ANKS1B: variants seen among roughly 807,000 people sequenced by gnomAD.
ANKS1B encodes ankyrin repeat and sterile alpha motif domain containing 1B.
Under a neutral mutation model 148.3 loss-of-function variants are expected in ANKS1B, and 36 were observed. The ratio of observed to expected loss-of-function variants is 0.24; its 90% CI spans 0.19 to 0.32. The LOEUF is 0.32. Ranked by LOEUF, ANKS1B falls within the 10% of genes least tolerant of loss-of-function variation. The pLI is 1.00. For synonymous variants in ANKS1B, 542 were observed against 560.8 expected (o/e 0.97, Z 0.47); for missense variants, 1,157 against 1,542.6 (o/e 0.75, Z 4.19).
At chr12:98,789,164 G>A (rs758412031) in intron 22 of ANKS1B, among the ~76,000 whole-genome samples, 6 of 152,076 alleles carry the variant, frequency 3.9e-5, no homozygotes, top group Non-Finnish European at 5.9e-5. Context: ...CCAACATGGT[G>A]AAACCCCGTC....
At chr12:98,884,634 C>T (rs2152547202) in intron 17 of ANKS1B, among the ~76,000 whole-genome samples, 1 of 150,890 alleles carries the variant, frequency 6.6e-6, no homozygotes, top group South Asian at 2.1e-4. Context: ...CCCGTCTCTA[C>T]TAAAAATACA....
At chr12:98,788,967 C>T (rs1245259413) in intron 22 of ANKS1B, among the ~76,000 whole-genome samples, 2 of 152,180 alleles carry the variant, frequency 1.3e-5, no homozygotes, top group Admixed American at 6.5e-5. Context: ...TTCATGGTTT[C>T]TCAGGGACTG....
chr12:99,015,901 C>CT (rs924133410), intron 17 of ANKS1B, among the ~76,000 whole-genome samples: 4 of 152,016 alleles, frequency 2.6e-5, no homozygotes, highest in South Asian at 4.2e-4. Flanking sequence ...AAAAACACAG[C>CT]TTCAAGTTTG....
intron 17 of ANKS1B, among the ~76,000 whole-genome samples, chr12:98,846,404 C>T (rs1003545612): frequency 6.6e-6 from 1 of 152,194 alleles, no homozygotes; most frequent in African/African-American, 2.4e-5. Context: ...TTTCTCTTGG[C>T]CTAGGCCAGC....
intron 8 of ANKS1B, among the ~76,000 whole-genome samples, chr12:99,722,655 A>G (rs2058201715): frequency 6.6e-6 from 1 of 152,246 alleles, no homozygotes. Flanking sequence ...GTAACACAAC[A>G]TCCATTCTGC....
chr12:99,321,883 A>G (rs2085342501), intron 12 of ANKS1B, among the ~76,000 whole-genome samples: 1 of 152,214 alleles, frequency 6.6e-6, no homozygotes, highest in South Asian at 2.1e-4. Context: ...CTGTGGAGAA[A>G]TAGGAATGCT....
chr12:99,966,155 A>T (rs1275438144), intron 1 of ANKS1B, among the ~76,000 whole-genome samples: 2 of 152,226 alleles, frequency 1.3e-5, no homozygotes, highest in East Asian at 3.9e-4. Flanking sequence ...TTATTGGGAC[A>T]GTTGGCAAAA....
rs555210283 is a variant in ANKS1B, at chr12:99,804,077, G to A, written c.669+2327C>T. Among the ~76,000 whole-genome samples the A allele has an allele frequency of 1.0e-3, 159 of 152,296 alleles. 2 individuals are homozygous for A. Among genetic ancestry groups the A allele is most frequent in the African/African-American group, 3.7e-3 (154 of 41,574 alleles). ...TTTAAACTCTTTCCCTTCTGGTCAT[G>A]TCATCTAGTACAAAACATGAAAGGA... On this transcript the variant is annotated intron_variant, in intron 4 of 26. Coordinates refer to ENST00000683438, the MANE Select transcript of ANKS1B (RefSeq NM_001352186.2).
chr12:98,859,218 C>CAA (rs1423076076), intron 17 of ANKS1B, among the ~76,000 whole-genome samples: 1 of 152,088 alleles, frequency 6.6e-6, no homozygotes, highest in African/African-American at 2.4e-5. Context: ...ACTCAAGTTA[C>CAA]AAAAAATGAC....
intron 12 of ANKS1B, among the ~76,000 whole-genome samples, chr12:99,333,781 A>AT (rs2088070356): frequency 6.8e-6 from 1 of 147,620 alleles, no homozygotes; most frequent in African/African-American, 2.5e-5. Flanking sequence ...CTAGTCCCAC[A>AT]TTTTTTTCAC....
chr12:99,348,614 T>C (rs56245101), intron 12 of ANKS1B, among the ~76,000 whole-genome samples: 2,162 of 151,986 alleles, frequency 0.014, 40 homozygotes, highest in African/African-American at 0.05. Flanking sequence ...ATTTAAACTA[T>C]AGAAGACTTA....
At chr12:98,753,072 T>C (rs1038757134) in intron 25 of ANKS1B, among the ~76,000 whole-genome samples, 2 of 152,184 alleles carry the variant, frequency 1.3e-5, no homozygotes, top group African/African-American at 4.8e-5. Flanking sequence ...CTCTATATTT[T>C]ATCATGAAAT....
chr12:99,451,869 C>T (rs1468705526), intron 10 of ANKS1B, among the ~76,000 whole-genome samples: 1 of 151,898 alleles, frequency 6.6e-6, no homozygotes, highest in African/African-American at 2.4e-5. Flanking sequence ...TTATCTATTA[C>T]TATTATTATC....
At chr12:99,865,148 A>G (rs949645053) in intron 1 of ANKS1B, among the ~76,000 whole-genome samples, 6 of 152,244 alleles carry the variant, frequency 3.9e-5, no homozygotes, top group Non-Finnish European at 5.9e-5. Flanking sequence ...CTATTTTTAT[A>G]TAAGTTTCAA....
intron 10 of ANKS1B, among the ~76,000 whole-genome samples, chr12:99,459,724 A>T (rs927087076): frequency 6.6e-6 from 1 of 152,138 alleles, no homozygotes; most frequent in Non-Finnish European, 1.5e-5. Context: ...TACAAGGAAA[A>T]CTACAAAACA....
At chr12:99,113,506 CAAT>C (rs781034083) in intron 15 of ANKS1B, among the ~76,000 whole-genome samples, 2 of 152,198 alleles carry the variant, frequency 1.3e-5, no homozygotes, top group Non-Finnish European at 2.9e-5. Flanking sequence ...AGCAGGTACT[CAAT>C]AAACATCTTT....
intron 9 of ANKS1B, among the ~76,000 whole-genome samples, chr12:99,603,748 G>T (rs564471515): frequency 6.6e-6 from 1 of 152,052 alleles, no homozygotes; most frequent in East Asian, 1.9e-4. Flanking sequence ...GATGCCTTCA[G>T]AGAAAAAAAA....
chr12:99,664,290 A>G (rs1354713991), intron 8 of ANKS1B, among the ~76,000 whole-genome samples: 3 of 152,106 alleles, frequency 2.0e-5, no homozygotes, highest in Non-Finnish European at 4.4e-5. Context: ...TTAAAATAAA[A>G]TTCATTAAAG....
rs1213413102 is a variant in ANKS1B, at chr12:99,035,865, T to C, written c.2778+17292A>G. ...GGGGTTAATGATAAGCACGTGGCCA[T>C]GGCTGGGCTTCGGGAAGGGTGAGGC... On this transcript the variant is annotated intron_variant, in intron 17 of 26. Transcript: ENST00000683438. Among the ~76,000 whole-genome samples the C allele has an allele frequency of 2.0e-5, 3 of 152,174 alleles. 1 individual carries two copies. The highest frequency in any genetic ancestry group is 4.4e-5 in the Non-Finnish European group (3 of 68,024).
Sources: gnomAD v4.1 joint callset for allele counts (sites outside exome capture counted in the v4.1 genomes callset) on GRCh38, gnomAD v4.1.1 for gene constraint, MANE v1.5 for transcripts, NCBI Gene and HGNC (gene_info 2026-07-23, HGNC 2026-07-21) for gene names.